Variants in THOC7 observed in about 807,000 individuals in gnomAD.
The protein encoded by THOC7 is NIF3L1-binding protein 1.
In THOC7, 22 loss-of-function variants were observed where a neutral mutation model predicts 33.1. The ratio of observed to expected loss-of-function variants is 0.66; its 90% CI spans 0.47 to 0.95. THOC7 has a LOEUF of 0.95. Ranked by LOEUF, THOC7 falls within the 40% of genes least tolerant of loss-of-function variation. The probability of loss-of-function intolerance (pLI) is 0.00; values close to 1 mark genes in which losing one functional copy is unlikely to be tolerated. For synonymous variants in THOC7, 77 were observed against 76.8 expected, an observed-to-expected ratio of 1.00 and a Z score of -0.01; for missense variants, 184 against 245.3, an observed-to-expected ratio of 0.75 and a Z score of 1.67.
chr3:63,854,625 G>C (rs1702077550), intron 1 of THOC7: 1 of 152,152 alleles, frequency 6.6e-6, no homozygotes, highest in Non-Finnish European at 1.5e-5. Context: ...GAGGATGGTG[G>C]TTTTCCACCT....
intron 2 of THOC7, 104 bp downstream of exon 2, chr3:63,839,552 T>C: frequency 1.1e-6 from 1 of 946,948 alleles, no homozygotes; most frequent in Non-Finnish European, 1.7e-6. Context: ...GACTCCACTG[T>C]ACATTTAAGG....
At chr3:63,849,513 C>A (rs1355267582) in intron 1 of THOC7, among the ~76,000 whole-genome samples, 1 of 152,054 alleles carries the variant, frequency 6.6e-6, no homozygotes, top group Non-Finnish European at 1.5e-5. Context: ...TGATGTGTGC[C>A]TTCATTTGGC....
intron 1 of THOC7, among the ~76,000 whole-genome samples, chr3:63,862,191 A>G (rs1385001871): frequency 1.3e-5 from 2 of 152,208 alleles, no homozygotes; most frequent in Non-Finnish European, 2.9e-5. Context: ...ATAACTTTCT[A>G]AATTCTAGCA....
At chr3:63,854,266 G>A (rs1043253532) in intron 1 of THOC7, among the ~76,000 whole-genome samples, 2 of 152,114 alleles carry the variant, frequency 1.3e-5, no homozygotes, top group African/African-American at 2.4e-5. Flanking sequence ...ATTTAAAGAT[G>A]GACTGCTGCT....
intron 1 of THOC7, among the ~76,000 whole-genome samples, chr3:63,844,799 C>T (rs1559605484): frequency 6.6e-6 from 1 of 152,172 alleles, no homozygotes; most frequent in African/African-American, 2.4e-5. Flanking sequence ...ATTTCCCACC[C>T]TCTAGAACCA....
intron 4 of THOC7, among the ~76,000 whole-genome samples, chr3:63,836,915 G>A (rs192859285): frequency 7.9e-4 from 120 of 151,766 alleles, no homozygotes; most frequent in Non-Finnish European, 1.4e-3. Flanking sequence ...ATGAGTGGCA[G>A]GATTTACTTA....
Position 63,860,257 on chromosome 3 carries a change from A to G in THOC7, c.19+3515T>C, listed in dbSNP as rs984697319. Among the ~76,000 whole-genome samples, 9 of 150,828 alleles carry G rather than the reference A, an allele frequency of 6.0e-5. No homozygotes were observed. The East Asian group carries it at 1.6e-3, about 26-fold the overall frequency. Reference sequence around the variant, plus strand: ...ATCATGTCTTGCTGTGTTGCTTAGGATGGTCGCAAACTCCTGGGCTCACGT... The same window carrying G: ...ATCATGTCTTGCTGTGTTGCTTAGGGTGGTCGCAAACTCCTGGGCTCACGT... On this transcript the variant is annotated intron_variant, in intron 1 of 7. Transcript: ENST00000295899.
chr3:63,839,803 T>C lies in THOC7; in HGVS notation c.20-30A>G, dbSNP rs139991001. The C allele has an allele frequency of 2.4e-3, 3,727 of 1,575,852 alleles. 65 individuals are homozygous for C. In the African/African-American group the frequency reaches 0.033, roughly 14 times the overall value. On this transcript the variant is annotated intron_variant, in intron 1 of 7. Transcript: ENST00000295899. The stretch of plus-strand genomic sequence containing the variant: ...AGGAAAGAAGGGCAATGTTACCATC[T>C]GGCTCTTGGTAACTTTCAAGTACAA...
intron 1 of THOC7, chr3:63,845,060 C>A (rs1701858616): frequency 1.4e-6 from 1 of 699,624 alleles, no homozygotes; most frequent in Non-Finnish European, 2.6e-6. Context: ...TGACCTGAGA[C>A]TCCTTGAGGA....
intron 1 of THOC7, among the ~76,000 whole-genome samples, chr3:63,843,111 T>A (rs930448396): frequency 4.1e-5 from 6 of 148,022 alleles, no homozygotes; most frequent in African/African-American, 1.3e-4. Flanking sequence ...ACCGTATGTA[T>A]ATTTGTTTGT....
intron 1 of THOC7, among the ~76,000 whole-genome samples, chr3:63,841,705 G>A (rs13059603): frequency 0.77 from 116,439 of 152,164 alleles, 44,660 homozygotes; most frequent in South Asian, 0.85. Flanking sequence ...TAATGCTTTC[G>A]GTTTTTTAAC....
At chr3:63,838,316 G>C (rs1227667104) in intron 3 of THOC7, 56 bp downstream of exon 3, 3 of 1,227,936 alleles carry the variant, frequency 2.4e-6, no homozygotes, top group Non-Finnish European at 2.3e-6. Flanking sequence ...AGCAGGTATT[G>C]TTTCCTTTAG....
At chr3:63,858,716 T>G (rs1365873994) in intron 1 of THOC7, among the ~76,000 whole-genome samples, 1 of 152,144 alleles carries the variant, frequency 6.6e-6, no homozygotes, top group Non-Finnish European at 1.5e-5. Context: ...ATCCACACTG[T>G]TTTTCAGCTA....
In THOC7 at chr3:63,838,430, T is replaced by C; in HGVS notation, c.207A>G (p.Leu69=). The C allele has an allele frequency of 3.1e-6, 5 of 1,605,598 alleles. No homozygotes were observed. The highest frequency in any genetic ancestry group is 4.3e-6 in the Non-Finnish European group (5 of 1,174,024). The part of the protein sequence containing the change: ...QCEFSMGKTL[L]VYDMNLREME... ...TTTCTCTGAGATTCATATCATATAC[T>C]AGTAAAGTTTTGCCCATTGAAAATT... The change falls in exon 3 of 8, where the codon CTA becomes CTG. Residue 69 remains leucine, a synonymous_variant. Transcript: ENST00000295899.
intron 1 of THOC7, chr3:63,861,142 A>G (rs1285750366): frequency 1.3e-5 from 2 of 152,194 alleles, no homozygotes; most frequent in Admixed American, 1.3e-4. Flanking sequence ...CAATCCGCTG[A>G]TGTGGATTTT....
At chr3:63,863,137 C>CAT (rs1702269045) in intron 1 of THOC7, 1 of 152,620 alleles carries the variant, frequency 6.6e-6, no homozygotes, top group African/African-American at 2.4e-5. Context: ...CCCTGCTCCT[C>CAT]CTTCTCACCC....
At chr3:63,854,028 A>G (rs1309306690) in intron 1 of THOC7, among the ~76,000 whole-genome samples, 1 of 152,204 alleles carries the variant, frequency 6.6e-6, no homozygotes, top group Non-Finnish European at 1.5e-5. Context: ...TATGCATATC[A>G]AGTTTTGCCC....
chr3:63,848,952 T>G (rs1231949307), intron 1 of THOC7, among the ~76,000 whole-genome samples: 2 of 152,238 alleles, frequency 1.3e-5, no homozygotes, highest in Non-Finnish European at 2.9e-5. Context: ...AAACTATTTG[T>G]TAGTACTGTT....
intron 6 of THOC7, 32 bp downstream of exon 6, chr3:63,835,292 A>G: frequency 6.2e-7 from 1 of 1,612,908 alleles, no homozygotes; most frequent in Non-Finnish European, 8.5e-7. Context: ...ACAGATAGAC[A>G]GATCATGAAG....
Sources: gnomAD v4.1 joint callset for allele counts (sites outside exome capture counted in the v4.1 genomes callset) on GRCh38, gnomAD v4.1.1 for gene constraint, MANE v1.5 for transcripts, NCBI Gene and HGNC (gene_info 2026-07-23, HGNC 2026-07-21) for gene names.